Variants in DNAAF5 observed in about 807,000 individuals in gnomAD.
DNAAF5 encodes the protein HEAT repeat containing 2.
A neutral mutation model predicts 75.8 loss-of-function variants in DNAAF5; 64 were observed. The ratio of observed to expected loss-of-function variants is 0.84; its 90% CI spans 0.69 to 1.04. The LOEUF is 1.04. Among genes scored for constraint, DNAAF5 ranks in the 50% least tolerant of loss-of-function variants. The pLI is 0.00. For synonymous variants in DNAAF5, 657 were observed against 557.2 expected, an observed-to-expected ratio of 1.18 and a Z score of -2.52; for missense variants, 1,269 against 1,178.5, an observed-to-expected ratio of 1.08 and a Z score of -1.12.
At chr7:756,761 T>C in intron 5 of DNAAF5, 21 bp from the exon 6 acceptor site, 1 of 1,608,578 alleles carries the variant, frequency 6.2e-7, no homozygotes, top group South Asian at 1.1e-5. Flanking sequence ...CTCTGAGTTT[T>C]CTCATGTTTC....
rs1385026324 is a variant in DNAAF5, at chr7:754,348, C to T, written c.1025-241C>T. On this transcript the variant is annotated intron_variant, in intron 4 of 12. Transcript: ENST00000297440. The surrounding 1 kb of genome is among the most constrained non-coding windows in gnomAD (Gnocchi z 4.8). Reference sequence around the variant, plus strand: ...GCCATGTTGCCCAGGCTGGTCTTGACTTCCTGGGCTCTAGTGATCCACCTG... The same window carrying T: ...GCCATGTTGCCCAGGCTGGTCTTGATTTCCTGGGCTCTAGTGATCCACCTG... Among the ~76,000 whole-genome samples the T allele has an allele frequency of 6.6e-6, 1 of 152,144 alleles. No individual in the cohort carries two copies. Among genetic ancestry groups the T allele is most frequent in the Non-Finnish European group, 1.5e-5 (1 of 68,022 alleles).
chr7:752,966 C>A (rs1318035399), intron 4 of DNAAF5, among the ~76,000 whole-genome samples: 1 of 152,228 alleles, frequency 6.6e-6, no homozygotes. Flanking sequence ...AGACGCTCGG[C>A]GTCGTTAGTC....
At chr7:766,778 C>G (rs983275891) in intron 8 of DNAAF5, among the ~76,000 whole-genome samples, 1 of 152,098 alleles carries the variant, frequency 6.6e-6, no homozygotes, top group African/African-American at 2.4e-5. Context: ...CCACTGCACT[C>G]CAGCCCGGAC....
chr7:774,906 G>A (rs1778706475), intron 10 of DNAAF5, 100 bp from the exon 11 acceptor site: 3 of 974,356 alleles, frequency 3.1e-6, no homozygotes, highest in South Asian at 2.9e-5. Flanking sequence ...AAGCTTTCAA[G>A]CCCCCTAAGT....
At chr7:770,672 T>A in intron 9 of DNAAF5, 54 bp downstream of exon 9, 1 of 1,550,262 alleles carries the variant, frequency 6.5e-7, no homozygotes, top group Non-Finnish European at 8.8e-7. Flanking sequence ...GGGCCAGGGG[T>A]CCCCATCTCC....
At chr7:779,850 A>T in intron 11 of DNAAF5, 103 bp from the exon 12 acceptor site, 1 of 977,146 alleles carries the variant, frequency 1.0e-6, no homozygotes, top group Non-Finnish European at 1.5e-6. Flanking sequence ...TTAGGACCCC[A>T]GGGCAGGTGT....
intron 4 of DNAAF5, among the ~76,000 whole-genome samples, chr7:742,678 A>G (rs183423096): frequency 0.032 from 3,587 of 111,840 alleles, 8 homozygotes; most frequent in Non-Finnish European, 0.051. Context: ...GCTCAAATCA[A>G]TCATGCCCAG....
chr7:756,752 T>C (rs750063715), intron 5 of DNAAF5, 30 bp from the exon 6 acceptor site: 1 of 1,606,328 alleles, frequency 6.2e-7, no homozygotes. Context: ...CGGGTTTGGC[T>C]CTGAGTTTTC....
At position 783,840 on chromosome 7, in the gene DNAAF5, G is replaced by A. The variant is rs137961238; in HGVS notation, c.2432-1677G>A. On this transcript the variant is annotated intron_variant, in intron 12 of 12. Coordinates refer to ENST00000297440, the MANE Select transcript of DNAAF5 (RefSeq NM_017802.4). ...CCTACTCTCAGCCTCAGCCTCACTCGTCCTCAGGACCTTGCTCTAGGCCGA... is the reference window on the plus strand; with the variant it reads ...CCTACTCTCAGCCTCAGCCTCACTCATCCTCAGGACCTTGCTCTAGGCCGA... Among the ~76,000 whole-genome samples the A allele has an allele frequency of 2.3e-3, 345 of 152,144 alleles. 1 individual carries two copies. Among genetic ancestry groups the A allele is most frequent in the Admixed American group, 4.9e-3 (75 of 15,292 alleles).
chr7:774,312 C>T (rs1183188797), intron 10 of DNAAF5, 114 bp downstream of exon 10: 1 of 1,129,596 alleles, frequency 8.9e-7, no homozygotes, highest in Non-Finnish European at 1.2e-6. Context: ...GCACCTCCAC[C>T]TGGGGCCCGT....
At chr7:741,687 C>T (rs953774155) in intron 4 of DNAAF5, among the ~76,000 whole-genome samples, 1 of 152,224 alleles carries the variant, frequency 6.6e-6, no homozygotes, top group Non-Finnish European at 1.5e-5. Context: ...GCAGTGACCT[C>T]TCCCCTCCTC....
intron 2 of DNAAF5, among the ~76,000 whole-genome samples, chr7:731,081 A>C (rs1474222635): frequency 6.6e-6 from 1 of 152,190 alleles, no homozygotes; most frequent in African/African-American, 2.4e-5. Flanking sequence ...CAAGAAGTGC[A>C]GGCGGCCGGC....
chr7:740,740 C>T (rs1781878754), intron 2 of DNAAF5, 79 bp from the exon 3 acceptor site: 3 of 1,570,780 alleles, frequency 1.9e-6, no homozygotes, highest in Non-Finnish European at 2.6e-6. Flanking sequence ...CGTATGGCAG[C>T]ACTCAGAGCC....
At position 786,391 on chromosome 7, in the gene DNAAF5, G is replaced by A. The variant is rs1212313970; in HGVS notation, c.*738G>A. The A allele has an allele frequency of 6.6e-6, 1 of 152,188 alleles. No individual in the cohort carries two copies. Among genetic ancestry groups the A allele is most frequent in the Admixed American group, 6.5e-5 (1 of 15,278 alleles). The allele number at this position is 152,188 out of a possible 1,614,324, so 9.4% of individuals were successfully genotyped here. On this transcript the variant is annotated 3_prime_UTR_variant, in exon 13 of 13. Coordinates refer to ENST00000297440, the MANE Select transcript of DNAAF5 (RefSeq NM_017802.4). ...TTACCGGAAGCCATTGTGTTCACACGGGGGAAATGCCGTATATATTTTTCA... is the reference window on the plus strand; with the variant it reads ...TTACCGGAAGCCATTGTGTTCACACAGGGGAAATGCCGTATATATTTTTCA...
chr7:754,837 C>G lies in DNAAF5; in HGVS notation c.1257+16C>G, dbSNP rs756448332. The G allele has an allele frequency of 1.7e-5, 26 of 1,560,006 alleles. No homozygotes were observed. Among genetic ancestry groups the G allele is most frequent in the Non-Finnish European group, 2.2e-5 (25 of 1,141,298 alleles). On this transcript the variant is annotated intron_variant, in intron 5 of 12. Transcript: ENST00000297440. The surrounding 1 kb of genome is among the most constrained non-coding windows in gnomAD (Gnocchi z 4.8). Reference sequence around the variant, plus strand: ...GGTCCAAAGTGTAAGTGGCCGTATTCCAGTCGTGGTCGCGGAGCTGTAACT... The same window carrying G: ...GGTCCAAAGTGTAAGTGGCCGTATTGCAGTCGTGGTCGCGGAGCTGTAACT...
chr7:728,263 G>A (rs1306263806), intron 1 of DNAAF5, among the ~76,000 whole-genome samples: 1 of 152,172 alleles, frequency 6.6e-6, no homozygotes, highest in Non-Finnish European at 1.5e-5. Context: ...TTCCGAAGGA[G>A]GGAACACTGA....
intron 6 of DNAAF5, 110 bp downstream of exon 6, chr7:757,104 G>T (rs895511967): frequency 5.7e-5 from 62 of 1,084,792 alleles, no homozygotes; most frequent in South Asian, 3.1e-5. Context: ...AGGCTGGGCT[G>T]TCGGAAGCAC....
chr7:769,600 TC>T (rs1229219034), intron 8 of DNAAF5, among the ~76,000 whole-genome samples: 12 of 152,250 alleles, frequency 7.9e-5, no homozygotes, highest in Non-Finnish European at 5.9e-5. Context: ...GGTCGTTGTT[TC>T]AACTATTGCT....
In DNAAF5 at chr7:757,021, T is replaced by G. The variant is rs370176969; in HGVS notation, c.1470+27T>G. 4.4e-5 allele frequency: 69 copies of G among 1,581,844 alleles called. No homozygotes were observed. The African/African-American group carries it at 8.7e-4, about 20-fold the overall frequency. On this transcript the variant is annotated intron_variant, in intron 6 of 12. Coordinates refer to ENST00000297440, the MANE Select transcript of DNAAF5 (RefSeq NM_017802.4). ...TAAGAGCACTTGGGAGATGCGGGAG[T>G]GGAGAGGAGGAGCCTCCCCTGCCCG...
Sources: gnomAD v4.1 joint callset for allele counts (sites outside exome capture counted in the v4.1 genomes callset) on GRCh38, gnomAD v4.1.1 for gene constraint, Gnocchi (gnomAD v3.1) non-coding constraint, MANE v1.5 for transcripts, NCBI Gene and HGNC (gene_info 2026-07-23, HGNC 2026-07-21) for gene names.